NFKBID: variants seen among roughly 807,000 people sequenced by gnomAD.
NFKBID encodes the protein NF-kappa-B inhibitor delta.
A neutral mutation model predicts 53.4 loss-of-function variants in NFKBID; 26 were observed. The ratio of observed to expected loss-of-function variants is 0.49; its 90% CI spans 0.36 to 0.68. The LOEUF is 0.68. NFKBID is among the 30% of genes least tolerant of loss of function. The probability of loss-of-function intolerance (pLI) is 0.00; values close to 1 mark genes in which losing one functional copy is unlikely to be tolerated. For synonymous variants in NFKBID, 262 were observed against 259.8 expected, an observed-to-expected ratio of 1.01 and a Z score of -0.08; for missense variants, 493 against 614.1, an observed-to-expected ratio of 0.80 and a Z score of 2.08.
intron 1 of NFKBID, among the ~76,000 whole-genome samples, chr19:35,900,075 C>A (rs1225588957): frequency 2.3e-5 from 1 of 43,884 alleles, no homozygotes; most frequent in Non-Finnish European, 6.3e-5. Context: ...AGCAACCACG[C>A]CCCCCCCCCC....
upstream of NFKBID, chr19:35,902,084 ACTC>A (rs1238188695): frequency 4.4e-6 from 3 of 682,884 alleles, no homozygotes; most frequent in African/African-American, 3.5e-5. Context: ...TATCCCCTGA[ACTC>A]CTAAATGCAG....
chr19:35,898,406 G>T, intron 3 of NFKBID, 66 bp downstream of exon 3: 2 of 1,031,192 alleles, frequency 1.9e-6, no homozygotes, highest in Non-Finnish European at 2.8e-6. Flanking sequence ...CCAAAGTTCT[G>T]AGAGCTGCGA....
chr19:35,888,917 G>A (rs757022305), intron 11 of NFKBID, among the ~76,000 whole-genome samples: 19 of 152,076 alleles, frequency 1.2e-4, no homozygotes, highest in Non-Finnish European at 2.1e-4. Context: ...ATGGTGGCAC[G>A]TGTGCCTTTA....
intron 9 of NFKBID, among the ~76,000 whole-genome samples, chr19:35,894,167 G>T (rs1178465653): frequency 6.6e-6 from 1 of 151,902 alleles, no homozygotes; most frequent in Non-Finnish European, 1.5e-5. Context: ...GCTGAGGCAG[G>T]AGCATGGCTT....
chr19:35,891,158 T>C (rs1164992401), intron 9 of NFKBID, among the ~76,000 whole-genome samples: 2 of 152,122 alleles, frequency 1.3e-5, no homozygotes, highest in African/African-American at 4.8e-5. Flanking sequence ...AGCACAGGAG[T>C]TGGCAGCATT....
chr19:35,888,465 C>A lies in NFKBID; in HGVS notation c.*94G>T, dbSNP rs1035587245. ...AAAACCCCAATGGCAGGATATTCCA[C>A]ATACATTATCATGGGTTTGCAACAT... On this transcript the variant is annotated 3_prime_UTR_variant, in exon 12 of 12. Transcript: ENST00000641389. 3 of 898,906 alleles carry A rather than the reference C, an allele frequency of 3.3e-6. No homozygotes were observed. In the African/African-American group the frequency reaches 5.0e-5, roughly 15 times the overall value. 55.7% of individuals were successfully genotyped at this position (898,906 alleles called of 1,614,324 possible). A position where few individuals can be genotyped will look rare whatever the true frequency, so the allele number is the denominator to read the frequency against.
intron 9 of NFKBID, chr19:35,890,774 G>A: frequency 2.4e-6 from 1 of 415,586 alleles, no homozygotes; most frequent in Non-Finnish European, 4.7e-6. Context: ...TGAGGCAGGA[G>A]GTTCATTTGA....
At chr19:35,898,105 C>A (rs73928353) in intron 3 of NFKBID, among the ~76,000 whole-genome samples, 1 of 152,058 alleles carries the variant, frequency 6.6e-6, no homozygotes, top group Non-Finnish European at 1.5e-5. Context: ...TCAAGAGAAC[C>A]TAGGAAATCA....
chr19:35,897,964 C>T, intron 3 of NFKBID, 108 bp from the exon 4 acceptor site: 1 of 735,336 alleles, frequency 1.4e-6, no homozygotes, highest in Non-Finnish European at 2.2e-6. Flanking sequence ...GTTAGTACTT[C>T]TGGGACACCA....
At chr19:35,898,344 G>C (rs1381235236) in intron 3 of NFKBID, 128 bp downstream of exon 3, 1 of 676,156 alleles carries the variant, frequency 1.5e-6, no homozygotes, top group East Asian at 2.7e-5. Flanking sequence ...GTGAGATCCT[G>C]TCTCAGAAAA....
chr19:35,894,226 T>A (rs905750705), intron 9 of NFKBID, among the ~76,000 whole-genome samples: 1 of 152,158 alleles, frequency 6.6e-6, no homozygotes, highest in Non-Finnish European at 1.5e-5. Flanking sequence ...GCCACTGCAC[T>A]CCAGCCTGGG....
intron 9 of NFKBID, among the ~76,000 whole-genome samples, chr19:35,893,818 CAAA>C (rs879299060): frequency 1.2e-5 from 1 of 86,498 alleles, no homozygotes. Flanking sequence ...AGAGCCATCT[CAAA>C]AAAAAAAAAA....
chr19:35,891,762 G>A (rs1974783374), intron 9 of NFKBID, among the ~76,000 whole-genome samples: 1 of 152,046 alleles, frequency 6.6e-6, no homozygotes, highest in South Asian at 2.1e-4. Context: ...AGCTACTTGG[G>A]AGGCTGAGAC....
Position 35,896,562 on chromosome 19 carries a change from G to T in NFKBID, c.685-24C>A. 1 of 1,612,556 alleles carries T rather than the reference G, an allele frequency of 6.2e-7. No individual in the cohort carries two copies. ...GTCTGCAGGCCACAGGAGAAGTCAG[G>T]TTGGGCTCCTGGTTCCCTCCCGTCA... is the stretch of plus-strand genomic sequence containing the variant. On this transcript the variant is annotated intron_variant, in intron 6 of 11. Coordinates refer to ENST00000641389, the Ensembl canonical transcript of NFKBID. The surrounding 1 kb of genome is among the most constrained non-coding windows in gnomAD (Gnocchi z 5.7).
intron 9 of NFKBID, among the ~76,000 whole-genome samples, chr19:35,892,543 C>CAAAAAAAAAAAAAA (rs112001334): frequency 2.7e-5 from 3 of 112,266 alleles, no homozygotes; most frequent in African/African-American, 1.0e-4. Flanking sequence ...GACTCCATCT[C>CAAAAAAAAAAAAAA]AAAAAAAAAA....
rs952758885 is a variant in NFKBID, at chr19:35,897,918, G to C, written c.227-62C>G. 7.8e-6 allele frequency: 9 copies of C among 1,157,680 alleles called. No homozygotes were observed. The African/African-American group carries it at 1.4e-4, about 18-fold the overall frequency. 71.7% of individuals were successfully genotyped at this position (1,157,680 alleles called of 1,614,324 possible). A position where few individuals can be genotyped will look rare whatever the true frequency, so the allele number is the denominator to read the frequency against. On this transcript the variant is annotated intron_variant, in intron 3 of 11. Transcript: ENST00000641389. Reference sequence around the variant, plus strand: ...ACCAGAGTTGGGGACGTCACATCCAGGGCTAGAGGGCCTGGCGTCTCCCAA... The same window carrying C: ...ACCAGAGTTGGGGACGTCACATCCACGGCTAGAGGGCCTGGCGTCTCCCAA...
At chr19:35,891,727 C>T (rs747418120) in intron 9 of NFKBID, among the ~76,000 whole-genome samples, 6 of 151,972 alleles carry the variant, frequency 3.9e-5, no homozygotes, top group African/African-American at 1.2e-4. Flanking sequence ...ATTAGCCAGG[C>T]GTGGTGGCAC....
rs73928352 is a variant in NFKBID at position 35,897,657 on chromosome 19, G to C, written c.426C>G (p.Gly142=). 0.011 allele frequency: 16,584 copies of C among 1,557,168 alleles called. 1,442 individuals carry two copies. The African/African-American group carries it at 0.19, about 18-fold the overall frequency. ...TACCCACTCTGTATCTCACCTCCAT[G>C]CCCTGGGGAAATGGGCACGGCTGCC... Residue 142 remains glycine (G), a synonymous_variant, in exon 4 of 12, where the codon GGC becomes GGG. Transcript: ENST00000641389.
chr19:35,900,577 G>T (rs954742204), exon 1 of NFKBID: 2 of 1,231,202 alleles, frequency 1.6e-6, no homozygotes, highest in Non-Finnish European at 2.0e-6. Flanking sequence ...TTTAAACTAG[G>T]GGTTATGGCA....
Sources: allele counts gnomAD v4.1 joint callset (sites outside exome capture counted in the v4.1 genomes callset), GRCh38; gene constraint gnomAD v4.1.1; non-coding constraint Gnocchi (gnomAD v3.1); transcripts MANE v1.5; gene names NCBI Gene and HGNC (gene_info 2026-07-23, HGNC 2026-07-21).